The following MYL3 variants were observed in gnomAD, a reference collection of about 807,000 sequenced individuals.
MYL3 encodes myosin light chain 3.
In MYL3, 11 loss-of-function variants were observed where a neutral mutation model predicts 21.3. The observed-to-expected ratio is 0.52, with a 90% CI of 0.32 to 0.85. MYL3 has a LOEUF of 0.85. Ranked by LOEUF, MYL3 falls within the 40% of genes least tolerant of loss-of-function variation. The pLI is 0.03. For missense variants in MYL3, 206 were observed against 253.3 expected (o/e 0.81, Z 1.27); for synonymous variants, 88 against 91.6 (o/e 0.96, Z 0.22).
chr3:46,871,398 G>A (rs1702112146), intron 1 of MYL3, among the ~76,000 whole-genome samples: 1 of 152,138 alleles, frequency 6.6e-6, no homozygotes, highest in Non-Finnish European at 1.5e-5. Context: ...CCTGGTTTGG[G>A]GCTTTCGAGC....
intron 1 of MYL3, among the ~76,000 whole-genome samples, chr3:46,868,747 C>T (rs1291743589): frequency 6.6e-6 from 1 of 152,244 alleles, no homozygotes; most frequent in African/African-American, 2.4e-5. Context: ...GGGCATGGCC[C>T]TGACTTCTCA....
rs865904680 is a variant in MYL3 at position 46,881,730 on chromosome 3, C to T, written c.-218+344G>A. Reference sequence around the variant, plus strand: ...GGGACGAGGCGAGGGTGGGGCTGGACGTGGGGGAGGGCGGCAGCAGCCAAG... The same window carrying T: ...GGGACGAGGCGAGGGTGGGGCTGGATGTGGGGGAGGGCGGCAGCAGCCAAG... On this transcript the variant is annotated intron_variant, in intron 1 of 3. Coordinates refer to the MYL3 transcript ENST00000431168. Among the ~76,000 whole-genome samples, 13 of 148,644 alleles carry T rather than the reference C, an allele frequency of 8.7e-5. No homozygotes were observed. In the South Asian group the frequency reaches 1.1e-3, roughly 12 times the overall value.
intron 4 of MYL3, 102 bp from the exon 5 acceptor site, chr3:46,858,563 A>C: frequency 9.1e-7 from 1 of 1,097,964 alleles, no homozygotes; most frequent in East Asian, 2.5e-5. Flanking sequence ...CCTCTCCAGT[A>C]TTCCCACAAC....
At position 46,861,190 on chromosome 3, in the gene MYL3, G is replaced by T. The variant is rs1201260608; in HGVS notation, c.130-203C>A. ...CCCCCTCCACCTCTCCAGCCAGAAG[G>T]CCTTGAGGCTGTGTGCACCGAGGCC... On this transcript the variant is annotated intron_variant, in intron 1 of 6. Coordinates refer to ENST00000292327, the MANE Select transcript of MYL3 (RefSeq NM_000258.3). The surrounding 1 kb of genome is among the most constrained non-coding windows in gnomAD (Gnocchi z 4.2). Among the ~76,000 whole-genome samples, 1 of 152,084 alleles carries T rather than the reference G, an allele frequency of 6.6e-6. No individual in the cohort carries two copies. The highest frequency in any genetic ancestry group is 1.9e-4 in the East Asian group (1 of 5,186).
chr3:46,877,743 G>A (rs545904589), intron 1 of MYL3: 15 of 152,388 alleles, frequency 9.8e-5, no homozygotes, highest in African/African-American at 3.6e-4. Flanking sequence ...GCTTAGGCCT[G>A]AGCCACAGAA....
chr3:46,875,961 G>A (rs541720905), intron 1 of MYL3, among the ~76,000 whole-genome samples: 2 of 152,202 alleles, frequency 1.3e-5, no homozygotes, highest in African/African-American at 2.4e-5. Context: ...TCCTGTCCCC[G>A]GAGCTGAGGG....
chr3:46,870,006 A>G (rs1451824059), intron 1 of MYL3, among the ~76,000 whole-genome samples: 1 of 151,946 alleles, frequency 6.6e-6, no homozygotes, highest in Non-Finnish European at 1.5e-5. Flanking sequence ...AGACACAGAG[A>G]CTGAGACAGA....
chr3:46,863,123 C>T lies in MYL3; in HGVS notation c.129+139G>A, dbSNP rs994720559. On this transcript the variant is annotated intron_variant, in intron 1 of 6. Transcript: ENST00000292327. Reference sequence around the variant, plus strand: ...CTTCTGATGCCTGAAGCAGTCAGGGCTTGTCTGACCTCTGCACAGAAGCTT... The same window carrying T: ...CTTCTGATGCCTGAAGCAGTCAGGGTTTGTCTGACCTCTGCACAGAAGCTT... 21 of 1,303,582 alleles carry T rather than the reference C, an allele frequency of 1.6e-5. No homozygotes were observed. The Admixed American group carries it at 2.2e-4, about 14-fold the overall frequency. The allele number at this position is 1,303,582 out of a possible 1,614,324, so 80.8% of individuals were successfully genotyped here.
At chr3:46,868,646 G>A (rs1317487037) in intron 1 of MYL3, among the ~76,000 whole-genome samples, 3 of 152,216 alleles carry the variant, frequency 2.0e-5, no homozygotes, top group African/African-American at 7.2e-5. Flanking sequence ...GCATGAGGGA[G>A]GGGTGGGCAG....
At position 46,860,058 on chromosome 3, in the gene MYL3, G is replaced by C; in HGVS notation, c.308-410C>G. Among the ~76,000 whole-genome samples, 1 of 151,674 alleles carries C rather than the reference G, an allele frequency of 6.6e-6. No homozygotes were observed. The highest frequency in any genetic ancestry group is 3.2e-3 in the Middle Eastern group (1 of 316). On this transcript the variant is annotated intron_variant, in intron 3 of 6. Coordinates refer to ENST00000292327, the MANE Select transcript of MYL3 (RefSeq NM_000258.3). The surrounding 1 kb of genome is among the most constrained non-coding windows in gnomAD (Gnocchi z 4.6). ...TCCCTGGGACTTTTGAACCCTTGGT[G>C]GGGGCTTGGGCCTCACTCCTTTTTT... is the stretch of plus-strand genomic sequence containing the variant.
chr3:46,881,495 C>T (rs1022626636), intron 1 of MYL3, among the ~76,000 whole-genome samples: 2 of 152,084 alleles, frequency 1.3e-5, no homozygotes, highest in African/African-American at 2.4e-5. Context: ...TGGATTGAGC[C>T]CCAGGTCTGG....
chr3:46,862,345 C>T (rs189312573), intron 1 of MYL3, among the ~76,000 whole-genome samples: 5 of 152,294 alleles, frequency 3.3e-5, no homozygotes, highest in Non-Finnish European at 5.9e-5. Context: ...CTCAGAGCAG[C>T]GAAGAACTTG....
chr3:46,858,046 G>A lies in MYL3; in HGVS notation c.*69C>T, dbSNP rs1701948035. On this transcript the variant is annotated 3_prime_UTR_variant, in exon 7 of 7. Coordinates refer to ENST00000292327, the MANE Select transcript of MYL3 (RefSeq NM_000258.3). ...TCCTTCCCACGACTCCAGGCCGCTG[G>A]TGTCAGCATCACACATGGGAGATGA... The A allele has an allele frequency of 4.3e-6, 3 of 696,060 alleles. No individual in the cohort carries two copies. Among genetic ancestry groups the A allele is most frequent in the East Asian group, 2.7e-5 (1 of 36,696 alleles). The allele number at this position is 696,060 out of a possible 1,614,324, so 43.1% of individuals were successfully genotyped here.
rs551817337 is a variant in MYL3 at position 46,877,187 on chromosome 3, G to A, written c.-218+4887C>T. Among the ~76,000 whole-genome samples the A allele has an allele frequency of 7.2e-5, 11 of 152,236 alleles. No individual in the cohort carries two copies. The South Asian group carries it at 1.9e-3, about 26-fold the overall frequency. ...TGTAGGGGTCAGGACACGGGCTGGAGTGGAATGACGGCCCCCTCCATCTCT... is the reference window on the plus strand; with the variant it reads ...TGTAGGGGTCAGGACACGGGCTGGAATGGAATGACGGCCCCCTCCATCTCT... On this transcript the variant is annotated intron_variant, in intron 1 of 3. Coordinates refer to the MYL3 transcript ENST00000431168.
At position 46,859,449 on chromosome 3, in the gene MYL3, G is replaced by A; in HGVS notation, c.481+26C>T. The stretch of plus-strand genomic sequence containing the variant: ...TCCCAGGATGTCCCTGGAAGGAGTT[G>A]GGGTAGGGGAGGAGGCTGCCCTCAC... On this transcript the variant is annotated intron_variant, in intron 4 of 6. Coordinates refer to ENST00000292327, the MANE Select transcript of MYL3 (RefSeq NM_000258.3). This position sits in a 1 kb window ranked among gnomAD's most constrained non-coding sequence, Gnocchi z 4.1. 6.2e-7 allele frequency: 1 copy of A among 1,613,766 alleles called. No homozygotes were observed. Among genetic ancestry groups the A allele is most frequent in the Non-Finnish European group, 8.5e-7 (1 of 1,179,906 alleles).
chr3:46,878,127 C>G (rs1474239332), intron 1 of MYL3, among the ~76,000 whole-genome samples: 1 of 152,186 alleles, frequency 6.6e-6, no homozygotes, highest in Non-Finnish European at 1.5e-5. Flanking sequence ...ATCGCCCCTC[C>G]CTTCACCTTC....
chr3:46,866,881 T>TACAG (rs1702051798), upstream of MYL3, among the ~76,000 whole-genome samples: 1 of 152,022 alleles, frequency 6.6e-6, no homozygotes, highest in African/African-American at 2.4e-5. Flanking sequence ...GAGGTGAGGG[T>TACAG]GACCCCTGTG....
At chr3:46,875,165 A>G (rs1258598175) in intron 1 of MYL3, among the ~76,000 whole-genome samples, 3 of 152,198 alleles carry the variant, frequency 2.0e-5, no homozygotes, top group Non-Finnish European at 2.9e-5. Flanking sequence ...TTCCATTTCC[A>G]GGGACCACGG....
At position 46,860,777 on chromosome 3, in the gene MYL3, A is replaced by G; in HGVS notation, c.206T>C (p.Met69Thr). ...MLFDRTPKCE[M>T]KITYGQCGDV... Reference sequence around the variant, plus strand: ...CCCACACTGCCCGTAGGTGATCTTCATCTCACACTTGGGTGTGCGGTCGAA... The same window carrying G: ...CCCACACTGCCCGTAGGTGATCTTCGTCTCACACTTGGGTGTGCGGTCGAA... Residue 69 changes from methionine to threonine, a missense_variant, in exon 3 of 7, where the codon ATG becomes ACG. Coordinates refer to ENST00000292327, the MANE Select transcript of MYL3 (RefSeq NM_000258.3). This position sits in a 1 kb window ranked among gnomAD's most constrained non-coding sequence, Gnocchi z 4.6. The G allele has an allele frequency of 6.2e-7, 1 of 1,614,064 alleles. No individual in the cohort carries two copies. The highest frequency in any genetic ancestry group is 8.5e-7 in the Non-Finnish European group (1 of 1,179,988).
Sources: gnomAD v4.1 joint callset for allele counts (sites outside exome capture counted in the v4.1 genomes callset) on GRCh38, gnomAD v4.1.1 for gene constraint, Gnocchi (gnomAD v3.1) non-coding constraint, MANE v1.5 for transcripts, NCBI Gene and HGNC (gene_info 2026-07-23, HGNC 2026-07-21) for gene names.